Variants in UGGT2 observed in about 807,000 individuals in gnomAD.
The protein encoded by UGGT2 is UDP-glucose glycoprotein glucosyltransferase 2, also known as UDP-glucose:glycoprotein glucosyltransferase 2.
In UGGT2, 180 loss-of-function variants were observed where a neutral mutation model predicts 192.1. The ratio of observed to expected loss-of-function variants is 0.94; its 90% CI spans 0.83 to 1.06. UGGT2 has a LOEUF of 1.06. Ranked by LOEUF, UGGT2 falls within the 50% of genes least tolerant of loss-of-function variation. The pLI is 0.00. For synonymous variants in UGGT2, 580 were observed against 591.0 expected, an observed-to-expected ratio of 0.98 and a Z score of 0.27; for missense variants, 1,849 against 1,795.7, an observed-to-expected ratio of 1.03 and a Z score of -0.54.
chr13:95,896,234 A>G (rs190868207), intron 22 of UGGT2, among the ~76,000 whole-genome samples: 32 of 152,238 alleles, frequency 2.1e-4, no homozygotes, highest in African/African-American at 6.7e-4. Context: ...CCTACAGTTC[A>G]TCTTTTCTAA....
chr13:95,873,956 G>A (rs950508624), intron 29 of UGGT2, among the ~76,000 whole-genome samples: 7 of 152,128 alleles, frequency 4.6e-5, no homozygotes, highest in South Asian at 2.1e-4. Flanking sequence ...CCAGGTAAAC[G>A]AAGTATCCCA....
chr13:95,915,508 G>A (rs1462398183), intron 20 of UGGT2, among the ~76,000 whole-genome samples: 3 of 152,190 alleles, frequency 2.0e-5, no homozygotes, highest in African/African-American at 4.8e-5. Flanking sequence ...CAAATACTTA[G>A]ACAGTAAATG....
intron 25 of UGGT2, 39 bp from the exon 26 acceptor site, chr13:95,888,010 A>G (rs368381887): frequency 7.6e-7 from 1 of 1,322,310 alleles, no homozygotes; most frequent in Non-Finnish European, 1.1e-6. Context: ...ATTAAATAAT[A>G]TTAATAGCTA....
chr13:95,946,147 CAG>C (rs1303838926), intron 15 of UGGT2, among the ~76,000 whole-genome samples: 1 of 152,142 alleles, frequency 6.6e-6, no homozygotes, highest in Admixed American at 6.6e-5. Context: ...TGATCCATAA[CAG>C]AATTTCAAAA....
chr13:95,833,002 C>A lies in UGGT2; in HGVS notation c.4453G>T (p.Val1485Phe), dbSNP rs753703408. ...ESKLKAAARI[V>F]PEWVEYDAEI... ...GCATCATACTCCACCCATTCTGGGACAATTCTGGCAGCAGCTTTTAGTTTG... is the reference window on the plus strand; with the variant it reads ...GCATCATACTCCACCCATTCTGGGAAAATTCTGGCAGCAGCTTTTAGTTTG... Residue 1485 changes from valine (V) to phenylalanine (F), a missense_variant, in exon 38 of 39, where the codon GTC becomes TTC. Physicochemically the swap from Val to Phe is conservative, Grantham distance 50. Transcript: ENST00000376747. 1.2e-6 allele frequency: 2 copies of A among 1,612,880 alleles called. No individual in the cohort carries two copies. The highest frequency in any genetic ancestry group is 1.1e-5 in the South Asian group (1 of 91,046).
chr13:96,053,378 G>A lies in UGGT2; in HGVS notation c.-66C>T, dbSNP rs1365364199. 3.1e-5 allele frequency: 48 copies of A among 1,527,266 alleles called. No homozygotes were observed. The highest frequency in any genetic ancestry group is 1.0e-4 in the Admixed American group (5 of 49,260). 94.6% of individuals were successfully genotyped at this position (1,527,266 alleles called of 1,614,324 possible). Reference sequence around the variant, plus strand: ...CACAGTCTGTGGCCGCCACGCTTCGGCCGGCTCTTCCCGCTGCGCGGCTGC... The same window carrying A: ...CACAGTCTGTGGCCGCCACGCTTCGACCGGCTCTTCCCGCTGCGCGGCTGC... On this transcript the variant is annotated 5_prime_UTR_variant, in exon 1 of 39. Transcript: ENST00000376747.
At chr13:96,016,080 T>C (rs2052328972) in intron 4 of UGGT2, among the ~76,000 whole-genome samples, 1 of 152,198 alleles carries the variant, frequency 6.6e-6, no homozygotes. Flanking sequence ...GGAAGAAATT[T>C]CGAAGCAGCA....
chr13:95,985,683 C>G (rs774368283), intron 9 of UGGT2, among the ~76,000 whole-genome samples: 13 of 152,062 alleles, frequency 8.5e-5, no homozygotes, highest in Non-Finnish European at 1.8e-4. Flanking sequence ...CTCTGTCATC[C>G]CTAACCAGAA....
rs377413152 is a variant in UGGT2, at chr13:96,011,720, G to C, written c.660+1587C>G. 5.3e-5 allele frequency among the ~76,000 whole-genome samples: 8 copies of C among 152,210 alleles called. No individual in the cohort carries two copies. The South Asian group carries it at 1.4e-3, about 28-fold the overall frequency. On this transcript the variant is annotated intron_variant, in intron 5 of 38. Coordinates refer to ENST00000376747, the MANE Select transcript of UGGT2 (RefSeq NM_020121.4). ...CATATGTTCCTACAAGAATCTGTATGTGAATATGATGGTACTAAGGTGACT... is the reference window on the plus strand; with the variant it reads ...CATATGTTCCTACAAGAATCTGTATCTGAATATGATGGTACTAAGGTGACT...
chr13:95,963,978 A>C (rs1451127648), intron 12 of UGGT2, among the ~76,000 whole-genome samples: 1 of 152,118 alleles, frequency 6.6e-6, no homozygotes, highest in African/African-American at 2.4e-5. Context: ...CATTTTTCAG[A>C]GATAGAAAAA....
At chr13:95,916,330 TAAAAAC>T (rs752310812) in intron 20 of UGGT2, among the ~76,000 whole-genome samples, 3 of 152,052 alleles carry the variant, frequency 2.0e-5, no homozygotes, top group African/African-American at 4.8e-5. Flanking sequence ...GCTTGACCGT[TAAAAAC>T]AAACAGAAAG....
At chr13:96,032,205 T>C (rs1225438655) in intron 1 of UGGT2, among the ~76,000 whole-genome samples, 1 of 152,130 alleles carries the variant, frequency 6.6e-6, no homozygotes, top group African/African-American at 2.4e-5. Context: ...AAAGGCTTCA[T>C]GAGAAATTAC....
In UGGT2 at chr13:95,947,071, A is replaced by C. The variant is rs200898292; in HGVS notation, c.1643T>G (p.Phe548Cys). The C allele has an allele frequency of 3.2e-4, 519 of 1,607,686 alleles. No individual in the cohort carries two copies. The highest frequency in any genetic ancestry group is 4.3e-4 in the Non-Finnish European group (511 of 1,178,352). ...AGAAATAAATGCTTCTGATATATCA[A>C]ATTCTTCTGCAATATAGTTGAAAGC... ...WRAFNYIAEE[F>C]DISEAFISIV... The change falls in exon 15 of 39, where the codon TTT (phenylalanine) becomes TGT (cysteine). Residue 548 changes from phenylalanine (F) to cysteine (C), a missense_variant. Phe to Cys is a radical substitution (Grantham distance 205). Coordinates refer to ENST00000376747, the MANE Select transcript of UGGT2 (RefSeq NM_020121.4).
intron 10 of UGGT2, among the ~76,000 whole-genome samples, chr13:95,976,292 T>C (rs2140823501): frequency 6.6e-6 from 1 of 152,324 alleles, no homozygotes; most frequent in East Asian, 1.9e-4. Context: ...TGTGTCTATG[T>C]ACCAAATTTC....
intron 38 of UGGT2, among the ~76,000 whole-genome samples, chr13:95,831,341 A>G (rs1256900018): frequency 6.6e-6 from 1 of 152,124 alleles, no homozygotes; most frequent in Non-Finnish European, 1.5e-5. Flanking sequence ...TCTATACACA[A>G]ACACATACAT....
chr13:95,832,045 ACTT>A, intron 38 of UGGT2, among the ~76,000 whole-genome samples: 1 of 151,306 alleles, frequency 6.6e-6, no homozygotes. Flanking sequence ...TTAAAGGAAA[ACTT>A]TTTTTTTTTT....
rs1183405806 is a variant in UGGT2 at position 95,947,045 on chromosome 13, T to C, written c.1669A>G (p.Ile557Val). 7 of 1,597,238 alleles carry C rather than the reference T, an allele frequency of 4.4e-6. No homozygotes were observed. The highest frequency in any genetic ancestry group is 5.1e-6 in the Non-Finnish European group (6 of 1,175,170). Residue 557 changes from isoleucine (I) to valine (V), a missense_variant, in exon 15 of 39, where the codon ATA becomes GTA. Physicochemically the swap from Ile to Val is conservative, Grantham distance 29. Coordinates refer to ENST00000376747, the MANE Select transcript of UGGT2 (RefSeq NM_020121.4). The stretch of plus-strand genomic sequence containing the variant: ...TTAGTGCATAAACTCACGTGTACTA[T>C]AGAAATAAATGCTTCTGATATATCA... ...EFDISEAFISIVHMYQKVKKD... is the reference protein window; with the variant it reads ...EFDISEAFISVVHMYQKVKKD...
At chr13:95,951,469 G>A (rs907123255) in intron 12 of UGGT2, among the ~76,000 whole-genome samples, 1 of 152,212 alleles carries the variant, frequency 6.6e-6, no homozygotes, top group Non-Finnish European at 1.5e-5. Context: ...AGCTGAGGGT[G>A]AGAATTTGGC....
chr13:95,882,390 G>A (rs1410337798), intron 27 of UGGT2, among the ~76,000 whole-genome samples: 1 of 152,178 alleles, frequency 6.6e-6, no homozygotes, highest in Non-Finnish European at 1.5e-5. Flanking sequence ...ATTTGTACAA[G>A]TTAGTATATG....
Sources: allele counts gnomAD v4.1 joint callset (sites outside exome capture counted in the v4.1 genomes callset), GRCh38; gene constraint gnomAD v4.1.1; transcripts MANE v1.5; gene names NCBI Gene and HGNC (gene_info 2026-07-23, HGNC 2026-07-21).